Variants in TEX15 observed in about 807,000 individuals in gnomAD.
TEX15 encodes the protein testis expressed 15, meiosis and synapsis associated.
In TEX15, 171 loss-of-function variants were observed where a neutral mutation model predicts 237.3. The observed-to-expected ratio is 0.72, with a 90% CI of 0.64 to 0.82. The LOEUF is 0.82. Ranked by LOEUF, TEX15 falls within the 40% of genes least tolerant of loss-of-function variation. TEX15 has a pLI of 0.00. For missense variants in TEX15, 3,750 were observed against 3,646.5 expected, an observed-to-expected ratio of 1.03 and a Z score of -0.73; for synonymous variants, 1,338 against 1,269.8, an observed-to-expected ratio of 1.05 and a Z score of -1.14.
At chr8:30,895,671 A>G (rs1481671611) in intron 2 of TEX15, among the ~76,000 whole-genome samples, 1 of 110,540 alleles carries the variant, frequency 9.0e-6, no homozygotes, top group Non-Finnish European at 1.7e-5. Context: ...CCTTTTAAAC[A>G]CATGCTTTTT....
chr8:30,872,756 A>C (rs1018528200), intron 4 of TEX15, among the ~76,000 whole-genome samples: 2 of 152,142 alleles, frequency 1.3e-5, no homozygotes, highest in Admixed American at 1.3e-4. Flanking sequence ...AAGTTAAAAA[A>C]AACAAAAAAC....
At position 30,842,288 on chromosome 8, in the gene TEX15, T is replaced by TCC; in HGVS notation, c.7878_7879insGG (p.Thr2627GlyfsTer7). 1 of 1,613,836 alleles carries TCC rather than the reference T, an allele frequency of 6.2e-7. No individual in the cohort carries two copies. The highest frequency in any genetic ancestry group is 8.5e-7 in the Non-Finnish European group (1 of 1,179,860). ...GAAATGGTTAGTTCAGCATTTTTAG[T>TCC]ACATATCATCTTCATATGTTCAATC... On this transcript the variant is annotated frameshift_variant, in exon 8 of 11. Coordinates refer to ENST00000643185, the MANE Select transcript of TEX15 (RefSeq NM_001350162.2). LOFTEE classifies it high-confidence loss of function.
intron 7 of TEX15, among the ~76,000 whole-genome samples, chr8:30,855,857 T>G (rs1056079388): frequency 6.6e-6 from 1 of 152,290 alleles, no homozygotes. Context: ...TGATTTTACT[T>G]AAATGAAATG....
Position 30,843,106 on chromosome 8 carries a change from A to G in TEX15, c.7061T>C (p.Ile2354Thr). The G allele has an allele frequency of 1.2e-6, 2 of 1,613,330 alleles. No homozygotes were observed. Among genetic ancestry groups the G allele is most frequent in the South Asian group, 2.2e-5 (2 of 90,924 alleles). Residue 2354 changes from isoleucine to threonine, a missense_variant, in exon 8 of 11, where the codon ATA (isoleucine) becomes ACA (threonine). By Grantham distance (89) the Ile-to-Thr change is moderately conservative. Transcript: ENST00000643185. ...ATTACTGTTAAATTTAGAATTTTCT[A>G]TGCTAATTGTTGCTTCGTTTATTGG... ...DHPINEATIS[I>T]ENSKFNSNLL... is the part of the protein sequence containing the mutation.
chr8:30,880,981 T>G (rs538495463), intron 3 of TEX15, among the ~76,000 whole-genome samples: 1 of 152,136 alleles, frequency 6.6e-6, no homozygotes, highest in Non-Finnish European at 1.5e-5. Flanking sequence ...TCTCTTCAAA[T>G]AGGGATAATT....
intron 10 of TEX15, among the ~76,000 whole-genome samples, chr8:30,835,230 G>A (rs936557495): frequency 2.6e-5 from 4 of 151,930 alleles, no homozygotes; most frequent in African/African-American, 7.3e-5. Context: ...TCACCTTCCT[G>A]AGTAGCTGGG....
Position 30,837,721 on chromosome 8 carries a change from C to T in TEX15, c.8563G>A (p.Asp2855Asn). ...QKSVHGTFSP[D>N]HGTLLQKFLK... is the part of the protein sequence containing the mutation. ...AATTTCTGCAAAAGCGTCCCATGGT[C>T]TGGTGAAAATGTGCCATGTACACTT... is the stretch of plus-strand genomic sequence containing the variant. Residue 2855 changes from aspartate to asparagine, a missense_variant, in exon 10 of 11, where the codon GAC becomes AAC. Transcript: ENST00000643185. 6.2e-7 allele frequency: 1 copy of T among 1,614,108 alleles called. No homozygotes were observed. The highest frequency in any genetic ancestry group is 8.5e-7 in the Non-Finnish European group (1 of 1,179,984).
intron 10 of TEX15, among the ~76,000 whole-genome samples, chr8:30,835,140 T>C (rs1198111909): frequency 6.6e-6 from 1 of 152,090 alleles, no homozygotes; most frequent in Non-Finnish European, 1.5e-5. Context: ...TGGGTCTTCC[T>C]GTCACACAGG....
chr8:30,857,846 C>A (rs1190041147), intron 7 of TEX15, among the ~76,000 whole-genome samples: 1 of 152,122 alleles, frequency 6.6e-6, no homozygotes, highest in Admixed American at 6.5e-5. Context: ...TAACATATCA[C>A]ACTCATTAGA....
chr8:30,850,106 T>C (rs954561058), intron 7 of TEX15, among the ~76,000 whole-genome samples: 6 of 151,582 alleles, frequency 4.0e-5, no homozygotes, highest in Admixed American at 1.3e-4. Flanking sequence ...AGGAAAGGGG[T>C]GTGAGGTGGA....
rs774248251 is a variant in TEX15 at position 30,846,134 on chromosome 8, C to T, written c.4033G>A (p.Gly1345Arg). ...GACTGTGAAAATGTTTTAATTCGTC[C>T]TTGGGATAATGAAGAGAAACACTCA... ...SSECFSSLSQ[G>R]RIKTFSQSEK... Residue 1345 changes from glycine (G) to arginine (R), a missense_variant, in exon 8 of 11, where the codon GGA becomes AGA. Transcript: ENST00000643185. The T allele has an allele frequency of 1.2e-6, 2 of 1,613,468 alleles. No individual in the cohort carries two copies. The highest frequency in any genetic ancestry group is 3.3e-5 in the Admixed American group (2 of 59,978).
chr8:30,906,608 AAAAG>A (rs1809107611), intron 1 of TEX15, among the ~76,000 whole-genome samples: 1 of 151,910 alleles, frequency 6.6e-6, no homozygotes. Flanking sequence ...AAAAAAAAAA[AAAAG>A]AGAGAGAGAA....
intron 3 of TEX15, among the ~76,000 whole-genome samples, chr8:30,881,616 ATTTTT>A (rs199820564): frequency 1.2e-5 from 1 of 86,908 alleles, no homozygotes; most frequent in Non-Finnish European, 2.0e-5. Context: ...TTGACTTTTT[ATTTTT>A]TTTTATTATT....
chr8:30,838,929 C>T (rs1451520706), intron 9 of TEX15, among the ~76,000 whole-genome samples: 2 of 150,518 alleles, frequency 1.3e-5, no homozygotes, highest in East Asian at 3.9e-4. Context: ...GATTCTCCTG[C>T]CTCAGCCTCC....
intron 1 of TEX15, among the ~76,000 whole-genome samples, chr8:30,903,237 A>G (rs535402705): frequency 6.6e-6 from 1 of 152,310 alleles, no homozygotes; most frequent in African/African-American, 2.4e-5. Flanking sequence ...GTATCTATCT[A>G]ATTATATAGT....
At position 30,833,163 on chromosome 8, in the gene TEX15, A is replaced by T; in HGVS notation, c.*123T>A. ...TTATTTGTATATTTTACAAAGGACC[A>T]TATGATTTATATTTCCTACCACATT... On this transcript the variant is annotated 3_prime_UTR_variant, in exon 11 of 11. Coordinates refer to ENST00000643185, the MANE Select transcript of TEX15 (RefSeq NM_001350162.2). 1.5e-6 allele frequency: 1 copy of T among 658,480 alleles called. No individual in the cohort carries two copies. The highest frequency in any genetic ancestry group is 2.6e-6 in the Non-Finnish European group (1 of 380,056). 40.8% of individuals were successfully genotyped at this position (658,480 alleles called of 1,614,324 possible).
chr8:30,866,338 A>AAAGGGGAAAGGAGAAAGGAGAAAGGGG (rs1399170296), intron 5 of TEX15, among the ~76,000 whole-genome samples: 7 of 150,300 alleles, frequency 4.7e-5, no homozygotes, highest in Non-Finnish European at 8.9e-5. Flanking sequence ...GAGAAAGGGG[A>AAAGGGGAAAGGAGAAAGGAGAAAGGGG]AAGGGGAAAG....
At chr8:30,880,961 A>G (rs908431110) in intron 3 of TEX15, among the ~76,000 whole-genome samples, 2 of 151,736 alleles carry the variant, frequency 1.3e-5, no homozygotes, top group Admixed American at 1.3e-4. Flanking sequence ...TTCCATGCAG[A>G]CCATCATGTT....
intron 1 of TEX15, among the ~76,000 whole-genome samples, chr8:30,912,668 C>T (rs1488114498): frequency 1.3e-5 from 2 of 152,198 alleles, no homozygotes; most frequent in Non-Finnish European, 2.9e-5. Context: ...CGGAGGCCCA[C>T]CTTTGGCCCC....
Sources: allele counts gnomAD v4.1 joint callset (sites outside exome capture counted in the v4.1 genomes callset), GRCh38; gene constraint gnomAD v4.1.1; transcripts MANE v1.5; gene names NCBI Gene and HGNC (gene_info 2026-07-23, HGNC 2026-07-21).